Variants in CCDC178 observed in about 807,000 individuals in gnomAD.
The protein encoded by CCDC178 is coiled-coil domain containing 178.
CCDC178 carries 126 observed loss-of-function variants against 117.4 expected under a neutral mutation model. That is an observed-to-expected ratio of 1.07 (90% CI 0.93 to 1.24). CCDC178 has a LOEUF of 1.24. Among genes scored for constraint, CCDC178 ranks in the 50% most tolerant of loss-of-function variants. The pLI is 0.00. For synonymous variants in CCDC178, 283 were observed against 313.4 expected (o/e 0.90, Z 1.02); for missense variants, 1,030 against 986.9 (o/e 1.04, Z -0.59).
intron 20 of CCDC178, among the ~76,000 whole-genome samples, chr18:33,125,703 G>A (rs73959108): frequency 1.3e-5 from 2 of 152,258 alleles, no homozygotes; most frequent in Admixed American, 6.5e-5. Context: ...AGTAAAGAGA[G>A]CAACAGGAAC....
At chr18:33,264,398 C>G (rs2059789559) in intron 14 of CCDC178, among the ~76,000 whole-genome samples, 1 of 151,914 alleles carries the variant, frequency 6.6e-6, no homozygotes, top group African/African-American at 2.4e-5. Context: ...TATAGTAGAC[C>G]TGACTCTTGC....
intron 15 of CCDC178, among the ~76,000 whole-genome samples, chr18:33,237,240 G>A (rs554058926): frequency 3.3e-5 from 5 of 152,210 alleles, no homozygotes; most frequent in African/African-American, 1.2e-4. Flanking sequence ...TCAAGGATTG[G>A]CTGTGACTCT....
rs537383511 is a variant in CCDC178 at position 33,344,743 on chromosome 18, G to A, written c.658+1468C>T. 4.7e-5 allele frequency among the ~76,000 whole-genome samples: 7 copies of A among 150,282 alleles called. No individual in the cohort carries two copies. In the South Asian group the frequency reaches 1.5e-3, roughly 32 times the overall value. ...GAACAGAGTCTATCAAGAATCTACT[G>A]GGATCCAGAATTTCCCAGGGTGTCT... On this transcript the variant is annotated intron_variant, in intron 9 of 22. Transcript: ENST00000383096.
At chr18:33,222,655 A>C (rs2059250716) in intron 18 of CCDC178, among the ~76,000 whole-genome samples, 1 of 152,036 alleles carries the variant, frequency 6.6e-6, no homozygotes, top group Admixed American at 6.6e-5. Context: ...TCAACATATG[A>C]ATTTTGGGGG....
At chr18:33,400,547 G>A (rs1382830859) in intron 3 of CCDC178, among the ~76,000 whole-genome samples, 1 of 152,076 alleles carries the variant, frequency 6.6e-6, no homozygotes, top group East Asian at 1.9e-4. Flanking sequence ...TTTTTCCTTA[G>A]ACTTCATGAA....
chr18:33,006,715 ACT>A (rs1350284678), intron 21 of CCDC178, among the ~76,000 whole-genome samples: 1 of 151,942 alleles, frequency 6.6e-6, no homozygotes, highest in Non-Finnish European at 1.5e-5. Flanking sequence ...GTTATACAAG[ACT>A]CTGTCTTTGC....
chr18:32,958,303 T>G (rs768584874), intron 22 of CCDC178: 17 of 404,414 alleles, frequency 4.2e-5, no homozygotes, highest in Non-Finnish European at 7.8e-5. Flanking sequence ...TTTTCATTTC[T>G]GTGAAGATAA....
intron 14 of CCDC178, among the ~76,000 whole-genome samples, chr18:33,261,247 C>T (rs886285539): frequency 6.6e-5 from 10 of 152,098 alleles, no homozygotes; most frequent in African/African-American, 2.4e-4. Flanking sequence ...CCACGCCCGG[C>T]TAATTTTTTG....
chr18:33,070,949 G>T (rs556423620), intron 21 of CCDC178, among the ~76,000 whole-genome samples: 3 of 152,028 alleles, frequency 2.0e-5, no homozygotes, highest in East Asian at 1.9e-4. Flanking sequence ...TACAACAGGG[G>T]TTATTACCAA....
intron 20 of CCDC178, among the ~76,000 whole-genome samples, chr18:33,167,206 CT>C (rs1450577828): frequency 6.6e-6 from 1 of 150,670 alleles, no homozygotes; most frequent in African/African-American, 2.5e-5. Flanking sequence ...TTGATTCCAT[CT>C]CTTTACTATT....
intron 21 of CCDC178, among the ~76,000 whole-genome samples, chr18:33,056,793 A>T (rs1462473112): frequency 1.3e-5 from 2 of 152,162 alleles, no homozygotes; most frequent in Non-Finnish European, 2.9e-5. Flanking sequence ...AAAAGCAAAT[A>T]TACTTAATCA....
At chr18:33,325,763 G>C (rs2062576147) in intron 10 of CCDC178, among the ~76,000 whole-genome samples, 1 of 151,984 alleles carries the variant, frequency 6.6e-6, no homozygotes, top group African/African-American at 2.4e-5. Flanking sequence ...ATTTTTTCTA[G>C]TTTTATGGGG....
intron 14 of CCDC178, among the ~76,000 whole-genome samples, chr18:33,247,113 A>G (rs1247939973): frequency 6.6e-6 from 1 of 151,114 alleles, no homozygotes; most frequent in African/African-American, 2.4e-5. Context: ...AGAGAGACAG[A>G]GTCAGAGAGA....
chr18:33,125,137 A>G (rs1023125395), intron 20 of CCDC178, among the ~76,000 whole-genome samples: 1 of 152,112 alleles, frequency 6.6e-6, no homozygotes, highest in African/African-American at 2.4e-5. Flanking sequence ...GGCAGGCTTC[A>G]ATATCTCATC....
chr18:33,216,607 TTTC>T (rs1485691326), intron 18 of CCDC178, among the ~76,000 whole-genome samples: 2 of 152,210 alleles, frequency 1.3e-5, no homozygotes, highest in East Asian at 3.9e-4. Context: ...TTCCAAATAC[TTTC>T]TTTACTCATA....
At chr18:33,307,974 G>A (rs2062281131) in intron 11 of CCDC178, among the ~76,000 whole-genome samples, 1 of 152,230 alleles carries the variant, frequency 6.6e-6, no homozygotes, top group South Asian at 2.1e-4. Flanking sequence ...GAGCCCTCAT[G>A]GAGAACCTCT....
intron 20 of CCDC178, among the ~76,000 whole-genome samples, chr18:33,110,567 T>C (rs1286362494): frequency 1.3e-5 from 2 of 151,672 alleles, no homozygotes; most frequent in African/African-American, 4.8e-5. Flanking sequence ...GGGTTTTATG[T>C]ACATTGTGAA....
At chr18:33,378,870 T>C (rs2063397968) in intron 5 of CCDC178, among the ~76,000 whole-genome samples, 1 of 151,942 alleles carries the variant, frequency 6.6e-6, no homozygotes, top group Admixed American at 6.6e-5. Context: ...GTATTTATGT[T>C]CATCAAGGAT....
At chr18:33,410,935 C>T (rs1489827089) in intron 3 of CCDC178, among the ~76,000 whole-genome samples, 1 of 152,142 alleles carries the variant, frequency 6.6e-6, no homozygotes, top group African/African-American at 2.4e-5. Context: ...ATATGAGAGA[C>T]AAGCAAGTGC....
Sources: allele counts gnomAD v4.1 joint callset (sites outside exome capture counted in the v4.1 genomes callset), GRCh38; gene constraint gnomAD v4.1.1; transcripts MANE v1.5; gene names NCBI Gene and HGNC (gene_info 2026-07-23, HGNC 2026-07-21).